The following OR8D1 variants were observed in gnomAD, a reference collection of about 807,000 sequenced individuals.
OR8D1 encodes olfactory receptor 8D1.
For missense variants in OR8D1, 384 were observed against 366.8 expected (o/e 1.05, Z -0.38); for synonymous variants, 143 against 147.0 (o/e 0.97, Z 0.20).
Position 124,310,006 on chromosome 11 carries a change from G to C in OR8D1, c.761C>G (p.Ser254Cys). ...GGGCTTGAAATACATGAAGGTAATG[G>C]ACCCAAAGAAGATCACCACAGCCAT... Reference protein sequence around the residue: ...HLMAVVIFFGSITFMYFKPPS... With the variant: ...HLMAVVIFFGCITFMYFKPPS... Residue 254 changes from serine (S) to cysteine (C), a missense_variant, in exon 3 of 3, where the codon TCC (serine) becomes TGC (cysteine). Physicochemically the swap from Ser to Cys is moderately radical, Grantham distance 112 (BLOSUM62 -1). Transcript: ENST00000641015. 6.3e-7 allele frequency: 1 copy of C among 1,595,676 alleles called. No homozygotes were observed. Among genetic ancestry groups the C allele is most frequent in the South Asian group, 1.1e-5 (1 of 88,250 alleles).
Position 124,306,623 on chromosome 11 carries a change from G to T in OR8D1, c.*3217C>A, listed in dbSNP as rs988779753. 27 of 151,748 alleles carry T rather than the reference G, an allele frequency of 1.8e-4. No individual in the cohort carries two copies. Among genetic ancestry groups the T allele is most frequent in the African/African-American group, 6.5e-4 (27 of 41,358 alleles). 9.4% of individuals were successfully genotyped at this position (151,748 alleles called of 1,614,324 possible). ...TTTTTCAGCAGAAAAAGGATTTTGT[G>T]TCACTTTTCTTAAGAGTTACTTCGA... On this transcript the variant is annotated 3_prime_UTR_variant, in exon 3 of 3. Transcript: ENST00000641015.
chr11:124,313,689 TATG>T (rs1216717246), intron 1 of OR8D1, 29 bp downstream of exon 1: 4 of 152,168 alleles, frequency 2.6e-5, no homozygotes, highest in Non-Finnish European at 4.4e-5. Context: ...TTAGATATAA[TATG>T]ATGGTCATAA....
rs1591409241 is a variant in OR8D1 at position 124,309,361 on chromosome 11, C to A, written c.*479G>T. On this transcript the variant is annotated 3_prime_UTR_variant, in exon 3 of 3. Transcript: ENST00000641015. ...TTAACTTTTTCTTTTCTTTTCTATT[C>A]TTTCCTTTTCTTTTCTTTTTTCTTT... The A allele has an allele frequency of 1.3e-5, 2 of 151,876 alleles. No homozygotes were observed. Among genetic ancestry groups the A allele is most frequent in the South Asian group, 2.1e-4 (1 of 4,810 alleles). The allele number at this position is 151,876 out of a possible 1,614,324, so 9.4% of individuals were successfully genotyped here. A position where few individuals can be genotyped will look rare whatever the true frequency, so the allele number is the denominator to read the frequency against.
In OR8D1 at chr11:124,310,677, C is replaced by T. The variant is rs762537125; in HGVS notation, c.90G>A (p.Leu30=). ...QAELQLPLFL[L]FLGIYVVTVV... is the part of the protein sequence containing the mutation. ...CTGTGACCACATAGATTCCCAGGAA[C>T]AGGAGGAAGAGGGGCAGCTGGAGCT... Residue 30 remains leucine (L), a synonymous_variant, in exon 3 of 3, where the codon CTG becomes CTA. Coordinates refer to ENST00000641015, the MANE Select transcript of OR8D1 (RefSeq NM_001002917.2). 1.8e-5 allele frequency: 29 copies of T among 1,613,820 alleles called. No individual in the cohort carries two copies. The highest frequency in any genetic ancestry group is 2.4e-5 in the Non-Finnish European group (28 of 1,179,880).
In OR8D1 at chr11:124,307,803, C is replaced by T. The variant is rs1862380115; in HGVS notation, c.*2037G>A. On this transcript the variant is annotated 3_prime_UTR_variant, in exon 3 of 3. Coordinates refer to ENST00000641015, the MANE Select transcript of OR8D1 (RefSeq NM_001002917.2). ...TTGTCCACATGCTTGAGGGTTAACT[C>T]TCACCAAATGGTCTCAAGCTCTCCC... 1 of 152,080 alleles carries T rather than the reference C, an allele frequency of 6.6e-6. No individual in the cohort carries two copies. Among genetic ancestry groups the T allele is most frequent in the African/African-American group, 2.4e-5 (1 of 41,426 alleles). The allele number at this position is 152,080 out of a possible 1,614,324, so 9.4% of individuals were successfully genotyped here.
Position 124,309,831 on chromosome 11 carries a change from A to T in OR8D1, c.*9T>A, listed in dbSNP as rs1320151967. 1 of 1,412,860 alleles carries T rather than the reference A, an allele frequency of 7.1e-7. No homozygotes were observed. The highest frequency in any genetic ancestry group is 1.4e-5 in the African/African-American group (1 of 70,658). 87.5% of individuals were successfully genotyped at this position (1,412,860 alleles called of 1,614,324 possible). A position where few individuals can be genotyped will look rare whatever the true frequency, so the allele number is the denominator to read the frequency against. On this transcript the variant is annotated 3_prime_UTR_variant, in exon 3 of 3. Transcript: ENST00000641015. ...ATTTTTCCCATCTATAAATCCCCCA[A>T]ATCAGGACTCATTTTCCTACTAAGA...
intron 1 of OR8D1, among the ~76,000 whole-genome samples, chr11:124,312,783 G>T (rs1473476404): frequency 6.6e-6 from 1 of 151,760 alleles, no homozygotes; most frequent in African/African-American, 2.4e-5. Flanking sequence ...CTCCCAAAGT[G>T]CTGGGAGAAC....
Position 124,310,453 on chromosome 11 carries a change from A to G in OR8D1, c.314T>C (p.Val105Ala). Reference sequence around the variant, plus strand: ...GTAACCCTCAGCCACCACAAAGACCACAAAGAAAAAGAGCTGGACCATGCA... The same window carrying G: ...GTAACCCTCAGCCACCACAAAGACCGCAAAGAAAAAGAGCTGGACCATGCA... ...SECMVQLFFF[V>A]VFVVAEGYLL... Residue 105 changes from valine to alanine, a missense_variant, in exon 3 of 3, where the codon GTG becomes GCG. Transcript: ENST00000641015. The G allele has an allele frequency of 6.2e-7, 1 of 1,613,688 alleles. No homozygotes were observed. The highest frequency in any genetic ancestry group is 8.5e-7 in the Non-Finnish European group (1 of 1,179,848).
At position 124,309,275 on chromosome 11, in the gene OR8D1, A is replaced by G. The variant is rs1218668745; in HGVS notation, c.*565T>C. 6.6e-6 allele frequency: 1 copy of G among 151,484 alleles called. No individual in the cohort carries two copies. The highest frequency in any genetic ancestry group is 1.5e-5 in the Non-Finnish European group (1 of 67,804). The allele number at this position is 151,484 out of a possible 1,614,324, so 9.4% of individuals were successfully genotyped here. A position where few individuals can be genotyped will look rare whatever the true frequency, so the allele number is the denominator to read the frequency against. ...AAGAGATTTTTAATATACTGAGTAG[A>G]AAAAAAAATAGTAAAAGCGATTCGA... is the stretch of plus-strand genomic sequence containing the variant. On this transcript the variant is annotated 3_prime_UTR_variant, in exon 3 of 3. Transcript: ENST00000641015.
chr11:124,310,143 C>T lies in OR8D1; in HGVS notation c.624G>A (p.Leu208=). 6.2e-7 allele frequency: 1 copy of T among 1,613,594 alleles called. No individual in the cohort carries two copies. Among genetic ancestry groups the T allele is most frequent in the Non-Finnish European group, 8.5e-7 (1 of 1,179,868 alleles). The change falls in exon 3 of 3, where the codon TTG becomes TTA. Residue 208 remains leucine (L), a synonymous_variant. Transcript: ENST00000641015. ...LLFIIAGFNT[L]VPTLAVAVSY... ...AGACAGCAACAGCTAGGGTGGGCAC[C>T]AAGGTGTTAAACCCCGCAATGATAA...
chr11:124,310,134 G>A lies in OR8D1; in HGVS notation c.633C>T (p.Thr211=), dbSNP rs148320274. 110 of 1,613,720 alleles carry A rather than the reference G, an allele frequency of 6.8e-5. No individual in the cohort carries two copies. The African/African-American group carries it at 1.2e-3, about 18-fold the overall frequency. The change falls in exon 3 of 3, where the codon ACC becomes ACT. Residue 211 remains threonine, a synonymous_variant. Transcript: ENST00000641015. ...IIAGFNTLVP[T]LAVAVSYAFI... ...AGGCATAGGAGACAGCAACAGCTAG[G>A]GTGGGCACCAAGGTGTTAAACCCCG...
rs1862339402 is a variant in OR8D1, at chr11:124,303,177, C to T, written c.*6663G>A. The T allele has an allele frequency of 6.6e-6, 1 of 152,200 alleles. No homozygotes were observed. Among genetic ancestry groups the T allele is most frequent in the Non-Finnish European group, 1.5e-5 (1 of 68,094 alleles). 9.4% of individuals were successfully genotyped at this position (152,200 alleles called of 1,614,324 possible). ...ATCATAGCAGAAGGGAACGCAGGCA[C>T]ATCTCACATGGCGGGAGGTGTGAGA... On this transcript the variant is annotated 3_prime_UTR_variant, in exon 3 of 3. Coordinates refer to ENST00000641015, the MANE Select transcript of OR8D1 (RefSeq NM_001002917.2).
At position 124,309,931 on chromosome 11, in the gene OR8D1, G is replaced by T; in HGVS notation, c.836C>A (p.Thr279Asn). 6.5e-7 allele frequency: 1 copy of T among 1,539,500 alleles called. No individual in the cohort carries two copies. The highest frequency in any genetic ancestry group is 8.7e-7 in the Non-Finnish European group (1 of 1,146,626). ...DQEKVSSVFY[T>N]TVIPMLNPLI... is the part of the protein sequence containing the mutation. ...AGGGTTCAGCATGGGGATCACCGTGGTGTAGAACACAGAGGACACCTTCTC... is the reference window on the plus strand; with the variant it reads ...AGGGTTCAGCATGGGGATCACCGTGTTGTAGAACACAGAGGACACCTTCTC... The change falls in exon 3 of 3, where the codon ACC (threonine) becomes AAC (asparagine). Residue 279 changes from threonine (T) to asparagine (N), a missense_variant. Transcript: ENST00000641015.
chr11:124,303,906 T>C lies in OR8D1; in HGVS notation c.*5934A>G, dbSNP rs1862345327. 6.6e-6 allele frequency: 1 copy of C among 151,996 alleles called. No individual in the cohort carries two copies. The highest frequency in any genetic ancestry group is 2.4e-5 in the African/African-American group (1 of 41,432). The allele number at this position is 151,996 out of a possible 1,614,324, so 9.4% of individuals were successfully genotyped here. ...TATGGGGCAAATCCAGCCCAGAGTT[T>C]AGTATTGTTTATGAGCTAATATCAC... On this transcript the variant is annotated 3_prime_UTR_variant, in exon 3 of 3. Transcript: ENST00000641015.
chr11:124,312,757 ATC>A (rs1862434029), intron 1 of OR8D1, among the ~76,000 whole-genome samples: 1 of 151,692 alleles, frequency 6.6e-6, no homozygotes, highest in African/African-American at 2.4e-5. Flanking sequence ...ACCTCAGGTG[ATC>A]CACCCACCTC....
chr11:124,307,342 C>T lies in OR8D1; in HGVS notation c.*2498G>A, dbSNP rs1454605981. The T allele has an allele frequency of 6.6e-6, 1 of 152,036 alleles. No individual in the cohort carries two copies. The allele number at this position is 152,036 out of a possible 1,614,324, so 9.4% of individuals were successfully genotyped here. Reference sequence around the variant, plus strand: ...GTGATCCCAGCAGGCAGCTGTGGTTCCTGACCTCTGACAATGTAAGATTTT... The same window carrying T: ...GTGATCCCAGCAGGCAGCTGTGGTTTCTGACCTCTGACAATGTAAGATTTT... On this transcript the variant is annotated 3_prime_UTR_variant, in exon 3 of 3. Transcript: ENST00000641015.
chr11:124,312,781 G>T (rs1489775048), intron 1 of OR8D1, among the ~76,000 whole-genome samples: 4 of 151,804 alleles, frequency 2.6e-5, no homozygotes, highest in Admixed American at 2.6e-4. Flanking sequence ...GCCTCCCAAA[G>T]TGCTGGGAGA....
In OR8D1 at chr11:124,303,083, AT is replaced by A. The variant is rs1261616108; in HGVS notation, c.*6756del. Reference sequence around the variant, plus strand: ...ATAAGGAACTGCTGGAGACTAGGTTATTCATAAAGAAGAGAGGTTTAATTGA... The same window carrying A: ...ATAAGGAACTGCTGGAGACTAGGTTATCATAAAGAAGAGAGGTTTAATTGA... On this transcript the variant is annotated 3_prime_UTR_variant, in exon 3 of 3. Coordinates refer to ENST00000641015, the MANE Select transcript of OR8D1 (RefSeq NM_001002917.2). 2 of 152,262 alleles carry A rather than the reference AT, an allele frequency of 1.3e-5. No homozygotes were observed. 9.4% of individuals were successfully genotyped at this position (152,262 alleles called of 1,614,324 possible).
At position 124,310,665 on chromosome 11, in the gene OR8D1, G is replaced by A; in HGVS notation, c.102C>T (p.Ile34=). Residue 34 remains isoleucine, a synonymous_variant, in exon 3 of 3, where the codon ATC becomes ATT. Coordinates refer to ENST00000641015, the MANE Select transcript of OR8D1 (RefSeq NM_001002917.2). ...QLPLFLLFLG[I]YVVTVVGNLG... ...GGTTGCCCACTACTGTGACCACATA[G>A]ATTCCCAGGAACAGGAGGAAGAGGG... The A allele has an allele frequency of 6.2e-7, 1 of 1,613,960 alleles. No homozygotes were observed. Among genetic ancestry groups the A allele is most frequent in the Non-Finnish European group, 8.5e-7 (1 of 1,179,874 alleles).
Sources: allele counts gnomAD v4.1 joint callset (sites outside exome capture counted in the v4.1 genomes callset), GRCh38; gene constraint gnomAD v4.1.1; transcripts MANE v1.5; gene names NCBI Gene and HGNC (gene_info 2026-07-23, HGNC 2026-07-21).